Variants in CNTNAP5 observed in about 807,000 individuals in gnomAD.
CNTNAP5 encodes contactin associated protein family member 5.
In CNTNAP5, 72 loss-of-function variants were observed where a neutral mutation model predicts 150.2. The observed-to-expected ratio is 0.48, with a 90% confidence interval of 0.40 to 0.58. The LOEUF (loss-of-function observed/expected upper bound fraction) is 0.58, where lower values mean the gene tolerates loss of function less well. Among genes scored for constraint, CNTNAP5 ranks in the 20% least tolerant of loss-of-function variants. CNTNAP5 has a pLI of 0.00. For synonymous variants in CNTNAP5, 672 were observed against 619.8 expected (o/e 1.08, Z -1.25); for missense variants, 1,636 against 1,626.2 (o/e 1.01, Z -0.10).
At chr2:124,194,265 T>C (rs1212361032) in intron 1 of CNTNAP5, among the ~76,000 whole-genome samples, 1 of 151,388 alleles carries the variant, frequency 6.6e-6, no homozygotes, top group Non-Finnish European at 1.5e-5. Context: ...CTATATCTCA[T>C]ATCCAGAAAG....
chr2:124,402,831 C>T (rs1330759636), intron 3 of CNTNAP5, among the ~76,000 whole-genome samples: 2 of 152,150 alleles, frequency 1.3e-5, no homozygotes, highest in Admixed American at 6.5e-5. Flanking sequence ...TTTTTGTCTC[C>T]TCAAATCTAT....
chr2:124,849,590 A>G (rs142014576), intron 19 of CNTNAP5, among the ~76,000 whole-genome samples: 48 of 152,310 alleles, frequency 3.2e-4, no homozygotes, highest in African/African-American at 1.1e-3. Context: ...GAATTTTAAT[A>G]AGAACTGCAT....
At chr2:124,813,417 T>A (rs1290403083) in intron 19 of CNTNAP5, among the ~76,000 whole-genome samples, 1 of 147,716 alleles carries the variant, frequency 6.8e-6, no homozygotes, top group Non-Finnish European at 1.5e-5. Context: ...GAAGAAAAGA[T>A]ATACCCTCAC....
chr2:124,458,665 T>C (rs942520579), intron 6 of CNTNAP5, among the ~76,000 whole-genome samples: 1 of 151,896 alleles, frequency 6.6e-6, no homozygotes, highest in Non-Finnish European at 1.5e-5. Context: ...CAATAACCTA[T>C]GGAAATAAAA....
At chr2:124,867,514 T>G (rs148525252) in intron 20 of CNTNAP5, among the ~76,000 whole-genome samples, 1 of 152,198 alleles carries the variant, frequency 6.6e-6, no homozygotes, top group African/African-American at 2.4e-5. Flanking sequence ...ACAACTGACA[T>G]AGGGATTCCT....
rs540046767 is a variant in CNTNAP5 at position 124,503,660 on chromosome 2, G to A, written c.1063-632G>A. 1.4e-4 allele frequency among the ~76,000 whole-genome samples: 21 copies of A among 152,266 alleles called. No homozygotes were observed. In the South Asian group the frequency reaches 4.1e-3, roughly 30 times the overall value. Reference sequence around the variant, plus strand: ...TCAGGAAGCATCAGAGGGCTTTCAAGCTCTGCCTCTCTTCACCTTTCCAGA... The same window carrying A: ...TCAGGAAGCATCAGAGGGCTTTCAAACTCTGCCTCTCTTCACCTTTCCAGA... On this transcript the variant is annotated intron_variant, in intron 7 of 23. Transcript: ENST00000682447.
At chr2:124,109,397 C>G (rs1045791669) in intron 1 of CNTNAP5, among the ~76,000 whole-genome samples, 6 of 152,236 alleles carry the variant, frequency 3.9e-5, no homozygotes, top group African/African-American at 1.4e-4. Context: ...TTACACATCC[C>G]CATAGCATCT....
intron 3 of CNTNAP5, among the ~76,000 whole-genome samples, chr2:124,286,800 A>T (rs1337468455): frequency 6.6e-6 from 1 of 152,112 alleles, no homozygotes; most frequent in African/African-American, 2.4e-5. Context: ...CTGTGTTTTC[A>T]ATGTAGCTGT....
Position 124,524,445 on chromosome 2 carries a change from T to C in CNTNAP5, c.1470T>C (p.Tyr490=). The change falls in exon 9 of 24, where the codon TAT becomes TAC. Residue 490 remains tyrosine (Y), a synonymous_variant. Coordinates refer to ENST00000682447, the MANE Select transcript of CNTNAP5 (RefSeq NM_001367498.1). ...AGATTTATTCTGGAAATAGCTACTA[T>C]TTTGGAGGTAAATTCTCCAGTCTTT... is the stretch of plus-strand genomic sequence containing the variant. ...WVQIYSGNSY[Y]FGGCPDNLTD... is the part of the protein sequence containing the mutation. The C allele has an allele frequency of 6.2e-7, 1 of 1,610,718 alleles. No homozygotes were observed. The highest frequency in any genetic ancestry group is 8.5e-7 in the Non-Finnish European group (1 of 1,178,204).
At chr2:124,247,276 C>A (rs1220829479) in intron 3 of CNTNAP5, among the ~76,000 whole-genome samples, 1 of 152,114 alleles carries the variant, frequency 6.6e-6, no homozygotes, top group Non-Finnish European at 1.5e-5. Context: ...CAATATATAT[C>A]TTTTAAGCTC....
In CNTNAP5 at chr2:124,527,315, G is replaced by A. The variant is rs1694994253; in HGVS notation, c.1508G>A (p.Cys503Tyr). The A allele has an allele frequency of 6.2e-7, 1 of 1,613,596 alleles. No individual in the cohort carries two copies. ...CCCGACAATCTCACCGATTCCCAAT[G>A]TTTAAATCCCATTAAGGCTTTCCAA... ...GCPDNLTDSQCLNPIKAFQGC... is the reference protein window; with the variant it reads ...GCPDNLTDSQYLNPIKAFQGC... The change falls in exon 10 of 24, where the codon TGT becomes TAT. Residue 503 changes from cysteine (C) to tyrosine (Y), a missense_variant. Cys to Tyr is a radical substitution (Grantham distance 194). Coordinates refer to ENST00000682447, the MANE Select transcript of CNTNAP5 (RefSeq NM_001367498.1).
intron 10 of CNTNAP5, among the ~76,000 whole-genome samples, chr2:124,557,623 G>A (rs1265868305): frequency 6.6e-6 from 1 of 152,070 alleles, no homozygotes; most frequent in Non-Finnish European, 1.5e-5. Flanking sequence ...CAGAGAAACA[G>A]ACACTGAATC....
chr2:124,781,298 G>A lies in CNTNAP5; in HGVS notation c.2752+8281G>A, dbSNP rs141623469. 1.7e-4 allele frequency among the ~76,000 whole-genome samples: 26 copies of A among 152,288 alleles called. No individual in the cohort carries two copies. In the East Asian group the frequency reaches 5.0e-3, roughly 29 times the overall value. ...GTAAGTCCTTCATGCTGTGGTATGT[G>A]GTATGTACTCAAGGCGGTATGAGCA... On this transcript the variant is annotated intron_variant, in intron 17 of 23. Coordinates refer to ENST00000682447, the MANE Select transcript of CNTNAP5 (RefSeq NM_001367498.1).
chr2:124,049,738 T>C (rs2104641325), intron 1 of CNTNAP5, among the ~76,000 whole-genome samples: 1 of 152,316 alleles, frequency 6.6e-6, no homozygotes, highest in Admixed American at 6.5e-5. Flanking sequence ...ATGTTTTGGC[T>C]TCTATAATAA....
chr2:124,481,652 A>G (rs1693764338), intron 7 of CNTNAP5, among the ~76,000 whole-genome samples: 1 of 152,136 alleles, frequency 6.6e-6, no homozygotes, highest in East Asian at 1.9e-4. Context: ...TGACAATTTT[A>G]TATTTTACCT....
chr2:124,203,804 A>G (rs1282846347), intron 1 of CNTNAP5, among the ~76,000 whole-genome samples: 2 of 152,170 alleles, frequency 1.3e-5, no homozygotes, highest in East Asian at 3.9e-4. Flanking sequence ...CCCTGGGCCC[A>G]GACCACAAAA....
chr2:124,025,872 A>G (rs1680873481), intron 1 of CNTNAP5, 140 bp downstream of exon 1: 1 of 745,444 alleles, frequency 1.3e-6, no homozygotes, highest in African/African-American at 1.7e-5. Context: ...GTGTGGTTCC[A>G]TCACTCCAAC....
intron 3 of CNTNAP5, among the ~76,000 whole-genome samples, chr2:124,378,969 T>C (rs1248647855): frequency 1.3e-5 from 2 of 152,250 alleles, no homozygotes; most frequent in East Asian, 3.9e-4. Flanking sequence ...ACTGCTATCT[T>C]TTTTTCTAAT....
intron 1 of CNTNAP5, among the ~76,000 whole-genome samples, chr2:124,084,276 T>A (rs1032487185): frequency 6.6e-6 from 1 of 152,056 alleles, no homozygotes; most frequent in Non-Finnish European, 1.5e-5. Flanking sequence ...TAGAGGTTTT[T>A]TTTTTTTCCT....
Sources: allele counts gnomAD v4.1 joint callset (sites outside exome capture counted in the v4.1 genomes callset), GRCh38; gene constraint gnomAD v4.1.1; transcripts MANE v1.5; gene names NCBI Gene and HGNC (gene_info 2026-07-23, HGNC 2026-07-21).